WIPF3: variants seen among roughly 807,000 people sequenced by gnomAD.
WIPF3 encodes WAS/WASL interacting protein family member 3.
Under a neutral mutation model 38.9 loss-of-function variants are expected in WIPF3, and 33 were observed. That is an observed-to-expected ratio of 0.85 (90% CI 0.64 to 1.14). The LOEUF (loss-of-function observed/expected upper bound fraction) is 1.14, where lower values mean the gene tolerates loss of function less well. WIPF3 is among the 50% of genes most tolerant of loss of function. The pLI, the probability that WIPF3 is intolerant of heterozygous loss-of-function variation, is 0.00. For missense variants in WIPF3, 711 were observed against 652.5 expected (o/e 1.09, Z -0.98); for synonymous variants, 324 against 269.3 (o/e 1.20, Z -1.99).
intron 2 of WIPF3, among the ~76,000 whole-genome samples, chr7:29,841,328 C>T: frequency 6.6e-6 from 1 of 152,172 alleles, no homozygotes; most frequent in African/African-American, 2.4e-5. Flanking sequence ...CTTCTTGCTC[C>T]TCCTCATCTC....
intron 2 of WIPF3, among the ~76,000 whole-genome samples, chr7:29,835,741 C>T (rs1192750214): frequency 6.6e-6 from 1 of 152,220 alleles, no homozygotes; most frequent in Non-Finnish European, 1.5e-5. Flanking sequence ...ATCCGCTCCG[C>T]AGCTTCTGTT....
In WIPF3 at chr7:29,872,770, A is replaced by G. The variant is rs1473822358; in HGVS notation, c.91-3060A>G. Among the ~76,000 whole-genome samples the G allele has an allele frequency of 8.5e-5, 11 of 129,402 alleles. No homozygotes were observed. The East Asian group carries it at 1.4e-3, about 16-fold the overall frequency. 84.9% of individuals were successfully genotyped at this position (129,402 alleles called of 152,430 possible). A position where few individuals can be genotyped will look rare whatever the true frequency, so the allele number is the denominator to read the frequency against. On this transcript the variant is annotated intron_variant, in intron 2 of 8. Coordinates refer to ENST00000242140, the MANE Select transcript of WIPF3 (RefSeq NM_001080529.3). ...GAGATCGCGCCGCCACTGCACTCCA[A>G]CCTGGGCGACAGAGTGAGACTCCAT... is the stretch of plus-strand genomic sequence containing the variant.
rs550685991 is a variant in WIPF3, at chr7:29,890,275, C to A, written c.1351+868C>A. 4.6e-5 allele frequency among the ~76,000 whole-genome samples: 7 copies of A among 151,580 alleles called. No individual in the cohort carries two copies. The East Asian group carries it at 1.4e-3, about 29-fold the overall frequency. The stretch of plus-strand genomic sequence containing the variant: ...CCTGAGGTGGGAGGATTGCTTGAGC[C>A]CAGGAGTTGGAGGCTGCAGTGAGCT... On this transcript the variant is annotated intron_variant, in intron 7 of 8. Transcript: ENST00000242140.
At chr7:29,901,769 C>T (rs1786280961) in intron 7 of WIPF3, among the ~76,000 whole-genome samples, 1 of 132,388 alleles carries the variant, frequency 7.6e-6, no homozygotes, top group African/African-American at 2.9e-5. Flanking sequence ...GCCTGGGAGA[C>T]AGAGGTTGCA....
intron 7 of WIPF3, among the ~76,000 whole-genome samples, chr7:29,889,704 A>G (rs1785966051): frequency 6.6e-6 from 1 of 152,182 alleles, no homozygotes; most frequent in Non-Finnish European, 1.5e-5. Context: ...TAAGGGAACT[A>G]ACCAACCCAG....
intron 2 of WIPF3, among the ~76,000 whole-genome samples, chr7:29,852,582 C>T (rs1785121001): frequency 6.6e-6 from 1 of 152,266 alleles, no homozygotes; most frequent in Non-Finnish European, 1.5e-5. Context: ...CATCTTACCA[C>T]TCAGTTCCCT....
At chr7:29,893,296 C>CA (rs1174722400) in intron 7 of WIPF3, among the ~76,000 whole-genome samples, 52 of 151,944 alleles carry the variant, frequency 3.4e-4, no homozygotes, top group Admixed American at 3.9e-4. Context: ...GGGGAGGTGG[C>CA]TAAAGGGCTA....
At chr7:29,813,820 C>T (rs1204376628) in intron 1 of WIPF3, among the ~76,000 whole-genome samples, 1 of 152,188 alleles carries the variant, frequency 6.6e-6, no homozygotes, top group Non-Finnish European at 1.5e-5. Flanking sequence ...AGTCGCTTCT[C>T]ATCTCCCTCC....
chr7:29,884,103 A>G lies in WIPF3; in HGVS notation c.609A>G (p.Pro203=). Residue 203 remains proline (P), a synonymous_variant, in exon 5 of 9, where the codon CCA becomes CCG. Transcript: ENST00000242140. ...CCATCAAAACTCCGCTTGTGTCCCC[A>G]CCCGGCCCACTGACCAAAGGGAACC... ...SSPIKTPLVS[P]PGPLTKGNLP... The G allele has an allele frequency of 8.0e-7, 1 of 1,245,354 alleles. No homozygotes were observed. The highest frequency in any genetic ancestry group is 1.0e-6 in the Non-Finnish European group (1 of 979,616). 77.1% of individuals were successfully genotyped at this position (1,245,354 alleles called of 1,614,324 possible). A position where few individuals can be genotyped will look rare whatever the true frequency, so the allele number is the denominator to read the frequency against.
At chr7:29,833,660 A>G (rs1784756253) in intron 1 of WIPF3, among the ~76,000 whole-genome samples, 1 of 152,232 alleles carries the variant, frequency 6.6e-6, no homozygotes, top group Non-Finnish European at 1.5e-5. Context: ...AAAAACATAA[A>G]TGCCACAGGA....
rs1785583410 is a variant in WIPF3, at chr7:29,875,885, T to C, written c.146T>C (p.Leu49Pro). 1.2e-6 allele frequency: 2 copies of C among 1,614,098 alleles called. No homozygotes were observed. Among genetic ancestry groups the C allele is most frequent in the South Asian group, 2.2e-5 (2 of 91,084 alleles). Residue 49 changes from leucine to proline, a missense_variant, in exon 3 of 9, where the codon CTG becomes CCG. By Grantham distance (98) the Leu-to-Pro change is moderately conservative (BLOSUM62 -3). Transcript: ENST00000242140. ...RRADPKGRSA[L>P]LADIQQGTRL... ...GCAGATCCGAAAGGCCGGAGTGCGC[T>C]GTTGGCTGATATCCAGCAAGGAACT...
intron 2 of WIPF3, among the ~76,000 whole-genome samples, chr7:29,862,521 G>A (rs924132634): frequency 6.6e-6 from 1 of 152,162 alleles, no homozygotes; most frequent in Non-Finnish European, 1.5e-5. Flanking sequence ...TGAGCAAGTG[G>A]CCCAGTGGGC....
Position 29,914,660 on chromosome 7 carries a change from G to A in WIPF3, c.*144G>A, listed in dbSNP as rs961919772. The A allele has an allele frequency of 2.6e-5, 13 of 506,094 alleles. No homozygotes were observed. The highest frequency in any genetic ancestry group is 6.0e-5 in the African/African-American group (3 of 49,886). The allele number at this position is 506,094 out of a possible 1,614,324, so 31.4% of individuals were successfully genotyped here. A position where few individuals can be genotyped will look rare whatever the true frequency, so the allele number is the denominator to read the frequency against. ...TTTATTGTAAATATGTGATTTGCAC[G>A]GGCTTTAAAGCAGTATTTTAATTGA... On this transcript the variant is annotated 3_prime_UTR_variant, in exon 9 of 9. Transcript: ENST00000242140.
chr7:29,828,054 C>A (rs980997725), intron 1 of WIPF3, among the ~76,000 whole-genome samples: 1 of 152,152 alleles, frequency 6.6e-6, no homozygotes, highest in Middle Eastern at 3.2e-3. Flanking sequence ...CCATGTCGGC[C>A]TCCCAAAGTG....
At chr7:29,869,344 A>G (rs1478694857) in intron 2 of WIPF3, among the ~76,000 whole-genome samples, 1 of 152,212 alleles carries the variant, frequency 6.6e-6, no homozygotes, top group Non-Finnish European at 1.5e-5. Flanking sequence ...CCCACTCTTA[A>G]CACCATGCCT....
intron 2 of WIPF3, among the ~76,000 whole-genome samples, chr7:29,846,705 A>G (rs180909695): frequency 1.3e-5 from 2 of 152,374 alleles, no homozygotes; most frequent in African/African-American, 4.8e-5. Flanking sequence ...CTCTGTCTCA[A>G]AACAAAAATC....
rs147337390 is a variant in WIPF3, at chr7:29,811,752, A to C, written c.-58+5074A>C. On this transcript the variant is annotated intron_variant, in intron 1 of 8. Coordinates refer to ENST00000242140, the MANE Select transcript of WIPF3 (RefSeq NM_001080529.3). ...AAGGCAAAAGTAAGTGTTTCCTAGA[A>C]CTTTATTGACTGCAGTTCCGGAGAC... 4.1e-3 allele frequency among the ~76,000 whole-genome samples: 620 copies of C among 152,306 alleles called. 7 individuals are homozygous for C. The highest frequency in any genetic ancestry group is 0.014 in the African/African-American group (585 of 41,576).
In WIPF3 at chr7:29,878,528, G is replaced by A. The variant is rs62457631; in HGVS notation, c.224-481G>A. On this transcript the variant is annotated intron_variant, in intron 3 of 8. Coordinates refer to ENST00000242140, the MANE Select transcript of WIPF3 (RefSeq NM_001080529.3). This position sits in a 1 kb window ranked among gnomAD's most constrained non-coding sequence, Gnocchi z 4.0. The stretch of plus-strand genomic sequence containing the variant: ...AGGAAACTGCCAGGGCACAGTCATG[G>A]CAGGCTTTACCTCCTGCCTGCTGTT... Among the ~76,000 whole-genome samples, 664 of 152,294 alleles carry A rather than the reference G, an allele frequency of 4.4e-3. No individual in the cohort carries two copies. The highest frequency in any genetic ancestry group is 8.6e-3 in the Admixed American group (132 of 15,302).
At chr7:29,815,030 C>A (rs1472849015) in intron 1 of WIPF3, among the ~76,000 whole-genome samples, 1 of 152,166 alleles carries the variant, frequency 6.6e-6, no homozygotes, top group East Asian at 1.9e-4. Flanking sequence ...GATTTTAAGT[C>A]TCCGATGTCC....
Sources: allele counts gnomAD v4.1 joint callset (sites outside exome capture counted in the v4.1 genomes callset), GRCh38; gene constraint gnomAD v4.1.1; non-coding constraint Gnocchi (gnomAD v3.1); transcripts MANE v1.5; gene names NCBI Gene and HGNC (gene_info 2026-07-23, HGNC 2026-07-21).